Variants in GAS2 observed in about 807,000 individuals in gnomAD.
GAS2 encodes the protein growth arrest-specific protein 2.
GAS2 carries 20 observed loss-of-function variants against 37.5 expected under a neutral mutation model. The ratio of observed to expected loss-of-function variants is 0.53; its 90% CI spans 0.37 to 0.77. GAS2 has a LOEUF of 0.77. Ranked by LOEUF, GAS2 falls within the 30% of genes least tolerant of loss-of-function variation. The pLI is 0.00. For synonymous variants in GAS2, 144 were observed against 132.2 expected (o/e 1.09, Z -0.61); for missense variants, 336 against 373.4 (o/e 0.90, Z 0.82).
intron 6 of GAS2, among the ~76,000 whole-genome samples, chr11:22,749,562 A>G (rs1416695311): frequency 6.6e-6 from 1 of 152,054 alleles, no homozygotes; most frequent in Non-Finnish European, 1.5e-5. Flanking sequence ...CTGGATCACC[A>G]TTCCCCCTTT....
chr11:22,641,845 A>G (rs568469497), intron 1 of GAS2, among the ~76,000 whole-genome samples: 1 of 152,310 alleles, frequency 6.6e-6, no homozygotes, highest in African/African-American at 2.4e-5. Flanking sequence ...GTGATTCCCA[A>G]ATACCTGTCA....
At chr11:22,630,557 C>T (rs1426315830) in intron 1 of GAS2, among the ~76,000 whole-genome samples, 1 of 152,188 alleles carries the variant, frequency 6.6e-6, no homozygotes. Context: ...ACTCATCTGA[C>T]AAAGGGCTAA....
At chr11:22,708,465 G>A (rs560783242) in intron 3 of GAS2, among the ~76,000 whole-genome samples, 4 of 152,058 alleles carry the variant, frequency 2.6e-5, no homozygotes, top group South Asian at 2.1e-4. Flanking sequence ...TCATAGCAAC[G>A]TCATGATGTA....
intron 1 of GAS2, among the ~76,000 whole-genome samples, chr11:22,638,325 A>G (rs1205960327): frequency 6.6e-6 from 1 of 151,950 alleles, no homozygotes; most frequent in Non-Finnish European, 1.5e-5. Flanking sequence ...CATTGGATCT[A>G]AGTTTTGTTG....
At chr11:22,699,334 A>T (rs985419289) in intron 3 of GAS2, among the ~76,000 whole-genome samples, 1 of 152,152 alleles carries the variant, frequency 6.6e-6, no homozygotes, top group Non-Finnish European at 1.5e-5. Flanking sequence ...TTTACTATGC[A>T]TTCAGGGAAG....
intron 6 of GAS2, among the ~76,000 whole-genome samples, chr11:22,754,807 A>G (rs1027515416): frequency 6.6e-6 from 1 of 152,154 alleles, no homozygotes; most frequent in Non-Finnish European, 1.5e-5. Context: ...CATTTCTTTC[A>G]TGACATAAAT....
intron 3 of GAS2, among the ~76,000 whole-genome samples, chr11:22,724,215 CTGTT>C (rs1422124597): frequency 6.6e-6 from 1 of 151,856 alleles, no homozygotes; most frequent in Non-Finnish European, 1.5e-5. Flanking sequence ...GGAAAAATAT[CTGTT>C]TGCAAATTTG....
chr11:22,779,123 T>C (rs1358684927), intron 7 of GAS2, among the ~76,000 whole-genome samples: 1 of 152,054 alleles, frequency 6.6e-6, no homozygotes, highest in African/African-American at 2.4e-5. Flanking sequence ...GGGAATACTT[T>C]GATTCTGTTG....
chr11:22,793,283 T>G (rs903797555), intron 7 of GAS2, among the ~76,000 whole-genome samples: 1 of 151,830 alleles, frequency 6.6e-6, no homozygotes, highest in Non-Finnish European at 1.5e-5. Flanking sequence ...TCAAAAAAAA[T>G]AAATAAATTA....
intron 4 of GAS2, among the ~76,000 whole-genome samples, chr11:22,728,480 T>C (rs1459189816): frequency 6.6e-6 from 1 of 151,702 alleles, no homozygotes; most frequent in Non-Finnish European, 1.5e-5. Flanking sequence ...GCCTACTTCT[T>C]CAGCCTGTTT....
chr11:22,728,090 G>A (rs1052511406), intron 4 of GAS2, among the ~76,000 whole-genome samples: 13 of 151,902 alleles, frequency 8.6e-5, no homozygotes, highest in Non-Finnish European at 1.5e-4. Flanking sequence ...TTGCTAGTTT[G>A]TTCATTGTAC....
In GAS2 at chr11:22,693,630, T is replaced by G. The variant is rs75209591; in HGVS notation, c.267+7841T>G. Among the ~76,000 whole-genome samples, 946 of 152,310 alleles carry G rather than the reference T, an allele frequency of 6.2e-3. 15 individuals are homozygous for G. Among genetic ancestry groups the G allele is most frequent in the African/African-American group, 0.021 (860 of 41,562 alleles). On this transcript the variant is annotated intron_variant, in intron 3 of 7. Coordinates refer to ENST00000454584, the MANE Select transcript of GAS2 (RefSeq NM_001143830.3). ...GAGAATATCCATGCAAATTGCACAT[T>G]CAGGTAAAACTATAAAAATAACATC...
At chr11:22,782,741 AT>A (rs1173988362) in intron 7 of GAS2, among the ~76,000 whole-genome samples, 4 of 137,692 alleles carry the variant, frequency 2.9e-5, no homozygotes, top group East Asian at 4.3e-4. Flanking sequence ...AAAAAAAAAA[AT>A]AATAATAATA....
In GAS2 at chr11:22,669,378, T is replaced by C. The variant is rs1157974550; in HGVS notation, c.-21+2479T>C. Among the ~76,000 whole-genome samples the C allele has an allele frequency of 3.9e-5, 6 of 152,204 alleles. No individual in the cohort carries two copies. The East Asian group carries it at 1.2e-3, about 29-fold the overall frequency. ...AATTGTTTGGAAGGATGTTTTAGTA[T>C]GATTTCTTTAAAACTTTAAAATATC... On this transcript the variant is annotated intron_variant, in intron 1 of 7. Coordinates refer to ENST00000454584, the MANE Select transcript of GAS2 (RefSeq NM_001143830.3).
chr11:22,686,094 G>A (rs187347482), intron 3 of GAS2, among the ~76,000 whole-genome samples: 32 of 152,206 alleles, frequency 2.1e-4, no homozygotes, highest in African/African-American at 6.7e-4. Flanking sequence ...AGAAATAATT[G>A]TGTCATTAGG....
chr11:22,631,853 T>C (rs923948236), intron 1 of GAS2, among the ~76,000 whole-genome samples: 1 of 152,032 alleles, frequency 6.6e-6, no homozygotes, highest in Admixed American at 6.6e-5. Context: ...GAGGATTCCC[T>C]CTTTCTCAAT....
At chr11:22,665,538 CTTAAAA>C (rs1486598032), upstream of GAS2, among the ~76,000 whole-genome samples, 1 of 152,018 alleles carries the variant, frequency 6.6e-6, no homozygotes, top group African/African-American at 2.4e-5. Flanking sequence ...GCTGTTTCTC[CTTAAAA>C]TTAAGAATAA....
intron 4 of GAS2, among the ~76,000 whole-genome samples, chr11:22,732,240 C>T (rs968704975): frequency 6.6e-6 from 1 of 151,624 alleles, no homozygotes; most frequent in Non-Finnish European, 1.5e-5. Context: ...GTGATAGTGG[C>T]TTAATCCATT....
chr11:22,633,414 T>A (rs188669930), intron 1 of GAS2, among the ~76,000 whole-genome samples: 1 of 152,294 alleles, frequency 6.6e-6, no homozygotes, highest in East Asian at 1.9e-4. Flanking sequence ...TGTGAGCAGG[T>A]TTACTGTCTC....
Sources: gnomAD v4.1 joint callset for allele counts (sites outside exome capture counted in the v4.1 genomes callset) on GRCh38, gnomAD v4.1.1 for gene constraint, MANE v1.5 for transcripts, NCBI Gene and HGNC (gene_info 2026-07-23, HGNC 2026-07-21) for gene names.